The following NEB variants were observed in gnomAD, a reference collection of about 807,000 sequenced individuals.
NEB encodes nemaline myopathy type 2.
In NEB, 512 loss-of-function variants were observed where a neutral mutation model predicts 952.2. The observed-to-expected ratio is 0.54, with a 90% CI of 0.50 to 0.58. NEB has a LOEUF of 0.58. NEB is among the 20% of genes least tolerant of loss of function. NEB has a pLI of 0.00. For missense variants in NEB, 8,428 were observed against 9,231.1 expected (o/e 0.91, Z 3.56); for synonymous variants, 2,900 against 3,149.8 (o/e 0.92, Z 2.66).
chr2:151,498,309 A>G lies in NEB; in HGVS notation c.24158T>C (p.Ile8053Thr), dbSNP rs2061739053. Residue 8053 changes from isoleucine (I) to threonine (T), a missense_variant, in exon 170 of 182, where the codon ATC (isoleucine) becomes ACC (threonine). Ile to Thr is a moderately conservative substitution (Grantham distance 89). Coordinates refer to ENST00000397345, the MANE Select transcript of NEB (RefSeq NM_001164508.2). Reference sequence around the variant, plus strand: ...TTTGACTCTCTGCATCTCAGGAGTGATGGGGATTGGAATTCCTGTCCCCAG... The same window carrying G: ...TTTGACTCTCTGCATCTCAGGAGTGGTGGGGATTGGAATTCCTGTCCCCAG... ...ENLGTGIPIP[I>T]TPEMQRVKHN... The G allele has an allele frequency of 1.5e-5, 24 of 1,551,438 alleles. No homozygotes were observed. The highest frequency in any genetic ancestry group is 1.9e-5 in the Non-Finnish European group (22 of 1,146,820).
At chr2:151,676,264 A>G (rs1220032282) in intron 34 of NEB, among the ~76,000 whole-genome samples, 1 of 152,174 alleles carries the variant, frequency 6.6e-6, no homozygotes, top group East Asian at 1.9e-4. Context: ...TTTAAGAACA[A>G]TATCTAAGCA....
In NEB at chr2:151,533,306, G is replaced by A. The variant is rs578251637; in HGVS notation, c.21417+136C>T. On this transcript the variant is annotated intron_variant, in intron 143 of 181. Transcript: ENST00000397345. ...GCCACATTCAGAGATCATTTACAAG[G>A]AATGAATATTTACATAGCTTTACCA... 4 of 620,958 alleles carry A rather than the reference G, an allele frequency of 6.4e-6. No homozygotes were observed. The East Asian group carries it at 1.1e-4, about 17-fold the overall frequency. 38.5% of individuals were successfully genotyped at this position (620,958 alleles called of 1,614,324 possible). A position where few individuals can be genotyped will look rare whatever the true frequency, so the allele number is the denominator to read the frequency against.
chr2:151,725,753 T>G (rs2099788670), intron 5 of NEB, among the ~76,000 whole-genome samples, 193 bp from the exon 6 acceptor site: 1 of 152,212 alleles, frequency 6.6e-6, no homozygotes, highest in Non-Finnish European at 1.5e-5. Context: ...TAAACATGGT[T>G]GGATCTTGGA....
chr2:151,557,800 AT>A (rs1215787724), intron 124 of NEB, among the ~76,000 whole-genome samples: 2 of 152,174 alleles, frequency 1.3e-5, no homozygotes, highest in African/African-American at 4.8e-5. Flanking sequence ...CAGAAAAGGC[AT>A]TTGACAAAAT....
In NEB at chr2:151,610,772, T is replaced by C. The variant is rs376194864; in HGVS notation, c.11900A>G (p.Asn3967Ser). 2.7e-5 allele frequency: 44 copies of C among 1,608,708 alleles called. No homozygotes were observed. In the African/African-American group the frequency reaches 3.7e-4, roughly 14 times the overall value. The change falls in exon 79 of 182, where the codon AAT becomes AGT. Residue 3967 changes from asparagine to serine, a missense_variant. Physicochemically the swap from Asn to Ser is conservative, Grantham distance 46. Coordinates refer to ENST00000397345, the MANE Select transcript of NEB (RefSeq NM_001164508.2). ...DILLAKSNSA[N>S]ISQKLYTKGW... The stretch of plus-strand genomic sequence containing the variant: ...CAGGAAATCTCTTACTTGGCTGATA[T>C]TGGCAGAATTACTCTTGGCCAGCAG...
chr2:151,509,872 T>TC (rs1216610492), intron 161 of NEB, among the ~76,000 whole-genome samples: 1 of 152,176 alleles, frequency 6.6e-6, no homozygotes, highest in Admixed American at 6.5e-5. Context: ...TCTCCCAAAG[T>TC]CCTGGGATTA....
At chr2:151,512,078 T>C (rs1186131710) in intron 161 of NEB, among the ~76,000 whole-genome samples, 2 of 140,324 alleles carry the variant, frequency 1.4e-5, no homozygotes, top group Non-Finnish European at 3.0e-5. Flanking sequence ...CTGCCCAGGC[T>C]GGAGTGCAGT....
intron 143 of NEB, chr2:151,532,115 G>A (rs772286670): frequency 4.4e-5 from 18 of 408,672 alleles, no homozygotes; most frequent in African/African-American, 1.0e-4. Context: ...GTTTCCCTCC[G>A]AGACGGAGTC....
rs760551196 is a variant in NEB at position 151,630,749 on chromosome 2, A to G, written c.9689T>C (p.Met3230Thr). The G allele has an allele frequency of 9.9e-6, 16 of 1,611,188 alleles. No individual in the cohort carries two copies. Among genetic ancestry groups the G allele is most frequent in the African/African-American group, 2.7e-5 (2 of 74,910 alleles). Residue 3230 changes from methionine to threonine, a missense_variant, in exon 67 of 182, where the codon ATG becomes ACG. Met to Thr is a moderately conservative substitution (Grantham distance 81). Coordinates refer to ENST00000397345, the MANE Select transcript of NEB (RefSeq NM_001164508.2). ...IHIMPDTPEIMLARQNKINYS... is the reference protein window; with the variant it reads ...IHIMPDTPEITLARQNKINYS... ...GTTGATTTTGTTCTGCCTTGCCAAC[A>G]TAATCTCTGGTGTATCAGGCATTAT... is the stretch of plus-strand genomic sequence containing the variant.
chr2:151,503,908 A>T (rs1174531734), intron 165 of NEB, among the ~76,000 whole-genome samples: 3 of 152,136 alleles, frequency 2.0e-5, no homozygotes, highest in Non-Finnish European at 2.9e-5. Context: ...GCTGGCTCCT[A>T]ATCTGTAGGA....
chr2:151,505,589 G>GAA lies in NEB; in HGVS notation c.23650-21_23650-20dup, dbSNP rs779037065. ...ACTTCACCTGCAGATTTAAAAATGG[G>GAA]AAAAGAAAGGTATTATTACATGCTG... On this transcript the variant is annotated intron_variant, in intron 164 of 181. Transcript: ENST00000397345. 2.0e-5 allele frequency: 31 copies of GAA among 1,574,882 alleles called. No homozygotes were observed. The South Asian group carries it at 3.3e-4, about 17-fold the overall frequency.
rs981175249 is a variant in NEB, at chr2:151,494,022, A to G, written c.24579+139T>C. The G allele has an allele frequency of 2.9e-5, 26 of 894,364 alleles. No individual in the cohort carries two copies. In the African/African-American group the frequency reaches 4.2e-4, roughly 15 times the overall value. The allele number at this position is 894,364 out of a possible 1,614,324, so 55.4% of individuals were successfully genotyped here. A position where few individuals can be genotyped will look rare whatever the true frequency, so the allele number is the denominator to read the frequency against. On this transcript the variant is annotated intron_variant, in intron 174 of 181. Transcript: ENST00000397345. The stretch of plus-strand genomic sequence containing the variant: ...TTAAAAATAGTTAATGGCTACAGTA[A>G]ATGTAGTGTGATATTTAGAGCAGAT...
chr2:151,671,083 T>A lies in NEB; in HGVS notation c.4446A>T (p.Thr1482=). 1 of 1,614,010 alleles carries A rather than the reference T, an allele frequency of 6.2e-7. No individual in the cohort carries two copies. ...CCATGCCCATGGAATCAGGCACACTTGTGAACTTGACGGTATCTGGGTGCT... is the reference window on the plus strand; with the variant it reads ...CCATGCCCATGGAATCAGGCACACTAGTGAACTTGACGGTATCTGGGTGCT... The part of the protein sequence containing the change: ...YRQHPDTVKF[T]SVPDSMGMVL... The change falls in exon 38 of 182, where the codon ACA becomes ACT. Residue 1482 remains threonine, a synonymous_variant. Transcript: ENST00000397345.
intron 10 of NEB, among the ~76,000 whole-genome samples, chr2:151,715,384 A>G (rs1037095299): frequency 3.3e-5 from 5 of 152,256 alleles, no homozygotes; most frequent in East Asian, 1.9e-4. Flanking sequence ...CATATTGGAC[A>G]CTAAGTGTTA....
Position 151,727,803 on chromosome 2 carries a change from G to A in NEB, c.182C>T (p.Ala61Val). 1 of 1,599,140 alleles carries A rather than the reference G, an allele frequency of 6.3e-7. No individual in the cohort carries two copies. Among genetic ancestry groups the A allele is most frequent in the Non-Finnish European group, 8.5e-7 (1 of 1,173,988 alleles). Reference protein sequence around the residue: ...ALAQPALAQPASAKPVERRKV... With the variant: ...ALAQPALAQPVSAKPVERRKV... Reference sequence around the variant, plus strand: ...CCTCCTCTCCACCGGCTTTGCTGATGCTGGCTGTGCCAGTGCTGGCTGTGC... The same window carrying A: ...CCTCCTCTCCACCGGCTTTGCTGATACTGGCTGTGCCAGTGCTGGCTGTGC... Residue 61 changes from alanine to valine, a missense_variant, in exon 5 of 182, where the codon GCA becomes GTA. This residue lies in a region of NEB where 2,851 missense variants were observed against 2,791.5 expected (regional missense o/e 1.02). Coordinates refer to ENST00000397345, the MANE Select transcript of NEB (RefSeq NM_001164508.2).
chr2:151,574,174 C>G (rs2096748913), intron 107 of NEB, among the ~76,000 whole-genome samples: 2 of 152,180 alleles, frequency 1.3e-5, no homozygotes, highest in Admixed American at 1.3e-4. Flanking sequence ...CAGGGTTTCA[C>G]CGTGTTAGGC....
At chr2:151,682,165 G>C (rs1260859416) in intron 29 of NEB, among the ~76,000 whole-genome samples, 1 of 152,162 alleles carries the variant, frequency 6.6e-6, no homozygotes, top group Non-Finnish European at 1.5e-5. Context: ...TAAAACTTTA[G>C]AGACAGAATG....
At chr2:151,615,912 G>A in intron 76 of NEB, 90 bp downstream of exon 76, 3 of 935,548 alleles carry the variant, frequency 3.2e-6, no homozygotes, top group Non-Finnish European at 3.3e-6. Context: ...ACTTATAGGG[G>A]TAACTAAATT....
intron 13 of NEB, among the ~76,000 whole-genome samples, chr2:151,705,829 C>T (rs532343989): frequency 1.3e-5 from 2 of 152,244 alleles, no homozygotes; most frequent in South Asian, 2.1e-4. Context: ...GAATGAAAAA[C>T]CAAATATCAT....
Sources: gnomAD v4.1 joint callset for allele counts (sites outside exome capture counted in the v4.1 genomes callset) on GRCh38, gnomAD v4.1.1 for gene constraint, gnomAD v4.1.1 regional missense constraint, MANE v1.5 for transcripts, NCBI Gene and HGNC (gene_info 2026-07-23, HGNC 2026-07-21) for gene names.